Variants in BLTP2 observed in about 807,000 individuals in gnomAD.
BLTP2 encodes the protein bridge-like lipid transfer protein family member 2.
chr17:28,645,072 G>C, the BLTP2 span: 1 of 1,573,224 alleles, frequency 6.4e-7, no homozygotes, highest in Admixed American at 1.8e-5. Context: ...TCCGGGTCCG[G>C]CCCGGCTTGG....
the BLTP2 span, chr17:28,628,654 G>A: frequency 9.7e-7 from 1 of 1,026,236 alleles, no homozygotes; most frequent in Admixed American, 2.3e-5. Context: ...AAACCTGTTG[G>A]CCAGATGCCA....
At chr17:28,643,489 G>A in the BLTP2 span, 3 of 1,348,350 alleles carry the variant, frequency 2.2e-6, no homozygotes, top group South Asian at 1.2e-5. Context: ...CTAACAGGAA[G>A]ACTTCAGCAA....
the BLTP2 span, chr17:28,619,510 A>G: frequency 1.3e-5 from 13 of 984,680 alleles, no homozygotes; most frequent in African/African-American, 2.1e-4. Context: ...CCATTTTCTT[A>G]TTCAGGAAGA....
the BLTP2 span, chr17:28,635,485 A>G: frequency 1.2e-6 from 2 of 1,614,198 alleles, no homozygotes; most frequent in Non-Finnish European, 1.7e-6. Flanking sequence ...AAGGGATGGT[A>G]CAGTCTCAGG....
the BLTP2 span, among the ~76,000 whole-genome samples, chr17:28,619,306 C>T: frequency 1.3e-5 from 2 of 151,950 alleles, no homozygotes; most frequent in Non-Finnish European, 2.9e-5. Context: ...ATTTTCAGTT[C>T]AGATGCATAG....
At chr17:28,645,021 C>G in the BLTP2 span, 1 of 1,600,792 alleles carries the variant, frequency 6.2e-7, no homozygotes, top group Non-Finnish European at 8.5e-7. Context: ...GCGCAACTAG[C>G]AGCAAGACCA....
At chr17:28,642,172 G>A in the BLTP2 span, 15 of 1,575,638 alleles carry the variant, frequency 9.5e-6, no homozygotes, top group Non-Finnish European at 1.3e-5. Flanking sequence ...ACTGACTTGA[G>A]GGAACCCCCT....
At chr17:28,638,431 A>G in the BLTP2 span, 1 of 1,611,586 alleles carries the variant, frequency 6.2e-7, no homozygotes, top group Non-Finnish European at 8.5e-7. Context: ...CAAAGGTGAG[A>G]AAGAGGGATT....
chr17:28,638,309 G>C, the BLTP2 span: 1 of 1,613,650 alleles, frequency 6.2e-7, no homozygotes, highest in South Asian at 1.1e-5. Context: ...TATTGGGTGG[G>C]TGTGGCGCCC....
At chr17:28,616,009 C>A in the BLTP2 span, 1 of 1,171,132 alleles carries the variant, frequency 8.5e-7, no homozygotes, top group Admixed American at 1.7e-5. This position sits in a 1 kb window ranked among gnomAD's most constrained non-coding sequence, Gnocchi z 4.8. Flanking sequence ...GCATCACAAA[C>A]AACCTAGCTG....
chr17:28,633,143 G>C, the BLTP2 span: 1 of 1,579,388 alleles, frequency 6.3e-7, no homozygotes, highest in Non-Finnish European at 8.6e-7. Flanking sequence ...GGCAGGTGAA[G>C]GAAGCAGCAG....
chr17:28,641,977 T>C, the BLTP2 span: 1 of 1,614,012 alleles, frequency 6.2e-7, no homozygotes, highest in Non-Finnish European at 8.5e-7. Flanking sequence ...CAGCATGGAG[T>C]GTCCACACAT....
At chr17:28,619,943 T>G in the BLTP2 span, 1 of 1,614,020 alleles carries the variant, frequency 6.2e-7, no homozygotes, top group South Asian at 1.1e-5. Flanking sequence ...TGCAGTATGC[T>G]GCTGCGTTGC....
the BLTP2 span, chr17:28,631,917 T>C: frequency 2.5e-6 from 4 of 1,614,028 alleles, no homozygotes; most frequent in Non-Finnish European, 3.4e-6. Context: ...CCCAATAATG[T>C]ACCTGGCAAC....
At chr17:28,638,230 A>G in the BLTP2 span, 3 of 1,607,400 alleles carry the variant, frequency 1.9e-6, no homozygotes, top group Admixed American at 3.3e-5. Flanking sequence ...GCAGGCCCCT[A>G]TTCACCAAAG....
the BLTP2 span, among the ~76,000 whole-genome samples, chr17:28,619,335 G>C: frequency 2.0e-5 from 3 of 152,038 alleles, no homozygotes; most frequent in Non-Finnish European, 4.4e-5. Flanking sequence ...CCACCAAAGT[G>C]ATCTTTCAGC....
the BLTP2 span, chr17:28,638,163 T>C: frequency 6.3e-7 from 1 of 1,593,050 alleles, no homozygotes; most frequent in Non-Finnish European, 8.6e-7. Flanking sequence ...CCTAATGCAC[T>C]TCCTGCTGCA....
the BLTP2 span, among the ~76,000 whole-genome samples, chr17:28,644,550 T>C: frequency 3.6e-3 from 548 of 152,322 alleles, 2 homozygotes; most frequent in African/African-American, 0.013. Context: ...GTCTGTCTCC[T>C]GCTCCCACCC....
the BLTP2 span, chr17:28,643,146 C>T: frequency 1.2e-6 from 2 of 1,614,148 alleles, no homozygotes; most frequent in Non-Finnish European, 1.7e-6. Flanking sequence ...TCCAGGATAG[C>T]AGGAGAAGTT....
Sources: gnomAD v4.1 joint callset for allele counts (sites outside exome capture counted in the v4.1 genomes callset) on GRCh38, gnomAD v4.1.1 for gene constraint, Gnocchi (gnomAD v3.1) non-coding constraint, MANE v1.5 for transcripts, NCBI Gene and HGNC (gene_info 2026-07-23, HGNC 2026-07-21) for gene names.